Variants in SORCS3 observed in about 807,000 individuals in gnomAD.
SORCS3 encodes VPS10 domain-containing receptor SorCS3.
In SORCS3, 57 loss-of-function variants were observed where a neutral mutation model predicts 146.3. The observed-to-expected ratio is 0.39, with a 90% confidence interval of 0.31 to 0.49. The LOEUF is 0.49. Among genes scored for constraint, SORCS3 ranks in the 20% least tolerant of loss-of-function variants. The pLI is 0.92. For missense variants in SORCS3, 1,341 were observed against 1,575.5 expected (o/e 0.85, Z 2.52); for synonymous variants, 653 against 618.5 (o/e 1.06, Z -0.83).
chr10:104,942,517 C>G (rs1030266122), intron 3 of SORCS3, among the ~76,000 whole-genome samples: 1 of 152,146 alleles, frequency 6.6e-6, no homozygotes, highest in African/African-American at 2.4e-5. Context: ...CAGATTAATC[C>G]TTTTTATGAA....
rs2055689248 is a variant in SORCS3, at chr10:105,089,811, G to A, written c.1065G>A (p.Val355=). 3 of 1,614,004 alleles carry A rather than the reference G, an allele frequency of 1.9e-6. No homozygotes were observed. The highest frequency in any genetic ancestry group is 1.7e-5 in the Admixed American group (1 of 60,008). Residue 355 remains valine (V), a synonymous_variant, in exon 6 of 27, where the codon GTG becomes GTA. Transcript: ENST00000369701. ...VAGLDKEADL[V]HMEVRTTDGY... is the part of the protein sequence containing the mutation. Reference sequence around the variant, plus strand: ...GATTGGATAAGGAGGCGGACCTGGTGCACATGGAGGTGCGGACCACGGATG... The same window carrying A: ...GATTGGATAAGGAGGCGGACCTGGTACACATGGAGGTGCGGACCACGGATG...
At chr10:104,776,277 A>C (rs1247698552) in intron 1 of SORCS3, among the ~76,000 whole-genome samples, 3 of 152,124 alleles carry the variant, frequency 2.0e-5, no homozygotes, top group Non-Finnish European at 4.4e-5. Flanking sequence ...TGAGCTATTT[A>C]CTAACATCTC....
At chr10:105,004,158 C>G (rs1285936596) in intron 4 of SORCS3, among the ~76,000 whole-genome samples, 4 of 152,132 alleles carry the variant, frequency 2.6e-5, no homozygotes, top group African/African-American at 9.7e-5. Context: ...AGCTGTCTGC[C>G]TGACAGCATG....
intron 3 of SORCS3, among the ~76,000 whole-genome samples, chr10:104,946,419 C>A (rs1437787953): frequency 6.6e-6 from 1 of 152,098 alleles, no homozygotes. Flanking sequence ...TTTCTCTCTG[C>A]ATGCTGTGTG....
chr10:105,219,369 G>A (rs747252390), intron 19 of SORCS3, among the ~76,000 whole-genome samples: 12 of 152,184 alleles, frequency 7.9e-5, no homozygotes, highest in Non-Finnish European at 1.5e-4. Flanking sequence ...AAACTCATTA[G>A]AGACTCAGTG....
chr10:105,139,477 G>A lies in SORCS3; in HGVS notation c.1293G>A (p.Ser431=), dbSNP rs200513328. Residue 431 remains serine, a synonymous_variant, in exon 8 of 27, where the codon TCG becomes TCA. Transcript: ENST00000369701. ...CTCAGATAAAGCTGCCTAAGTACTC[G>A]TTGCCAAAGGTACTGCATGCACCAC... ...AFAQIKLPKY[S]LPKDMHIIST... is the part of the protein sequence containing the mutation. 9.7e-5 allele frequency: 156 copies of A among 1,613,066 alleles called. 1 individual carries two copies. The highest frequency in any genetic ancestry group is 8.8e-4 in the Admixed American group (53 of 60,010).
intron 4 of SORCS3, among the ~76,000 whole-genome samples, chr10:105,008,251 T>G (rs1210383173): frequency 6.6e-6 from 1 of 152,188 alleles, no homozygotes; most frequent in Non-Finnish European, 1.5e-5. Flanking sequence ...AGACACCTTG[T>G]CTTTTCTTCT....
At chr10:105,255,600 A>G (rs2056926694) in intron 23 of SORCS3, 102 bp from the exon 24 acceptor site, 2 of 738,902 alleles carry the variant, frequency 2.7e-6, no homozygotes, top group Non-Finnish European at 4.7e-6. Context: ...TAATTGAACC[A>G]TGGTGACTTT....
chr10:105,196,510 CAGG>C (rs1333668334), intron 14 of SORCS3, among the ~76,000 whole-genome samples: 1 of 152,112 alleles, frequency 6.6e-6, no homozygotes, highest in Non-Finnish European at 1.5e-5. Context: ...TAGGCTGAGG[CAGG>C]AGAATTGCTC....
At chr10:104,782,068 G>C (rs1034049766) in intron 1 of SORCS3, among the ~76,000 whole-genome samples, 12 of 152,222 alleles carry the variant, frequency 7.9e-5, no homozygotes, top group African/African-American at 2.7e-4. Context: ...ATGTGCTTGG[G>C]CTGAACTTTT....
At chr10:105,034,533 A>C (rs2055293034) in intron 4 of SORCS3, among the ~76,000 whole-genome samples, 1 of 152,082 alleles carries the variant, frequency 6.6e-6, no homozygotes, top group Admixed American at 6.6e-5. Flanking sequence ...GACTGAAGGA[A>C]ATCACTCTAT....
intron 1 of SORCS3, among the ~76,000 whole-genome samples, chr10:104,760,907 G>A (rs774004437): frequency 2.4e-4 from 35 of 145,290 alleles, no homozygotes; most frequent in Non-Finnish European, 4.7e-4. Context: ...GACAGATTAC[G>A]TTTTTTTTTT....
chr10:104,737,029 G>A (rs1290935659), intron 1 of SORCS3, among the ~76,000 whole-genome samples: 2 of 151,880 alleles, frequency 1.3e-5, no homozygotes, highest in Non-Finnish European at 2.9e-5. Flanking sequence ...AACATGCAGT[G>A]TTTGGTTTTT....
chr10:104,698,506 C>T (rs896273107), intron 1 of SORCS3, among the ~76,000 whole-genome samples: 12 of 152,226 alleles, frequency 7.9e-5, no homozygotes, highest in African/African-American at 2.4e-4. Context: ...CTGCCACACC[C>T]GTGTTTCAAC....
In SORCS3 at chr10:105,252,799, A is replaced by T. The variant is rs2056908869; in HGVS notation, c.3130A>T (p.Ile1044Phe). Residue 1044 changes from isoleucine to phenylalanine, a missense_variant, in exon 23 of 27, where the codon ATC (isoleucine) becomes TTC (phenylalanine). Transcript: ENST00000369701. Reference protein sequence around the residue: ...VKVTSVPEDQILIAVFPGLPT... With the variant: ...VKVTSVPEDQFLIAVFPGLPT... ...GGTAACCAGTGTCCCAGAGGACCAG[A>T]TCCTCATTGCCGTGTTTCCTGGTCT... The T allele has an allele frequency of 1.2e-6, 2 of 1,614,014 alleles. No individual in the cohort carries two copies. Among genetic ancestry groups the T allele is most frequent in the Non-Finnish European group, 1.7e-6 (2 of 1,179,974 alleles).
chr10:105,258,118 T>TA (rs1435160191), intron 25 of SORCS3, among the ~76,000 whole-genome samples: 1 of 152,164 alleles, frequency 6.6e-6, no homozygotes, highest in Admixed American at 6.5e-5. Flanking sequence ...AACACCAGTT[T>TA]AATTCAGTAT....
At chr10:104,796,946 A>G (rs1462835439) in intron 1 of SORCS3, among the ~76,000 whole-genome samples, 1 of 152,218 alleles carries the variant, frequency 6.6e-6, no homozygotes, top group African/African-American at 2.4e-5. Context: ...AATGCCTCAT[A>G]TAATCAGTGA....
At chr10:105,237,528 A>G (rs770747093) in intron 20 of SORCS3, among the ~76,000 whole-genome samples, 1 of 152,188 alleles carries the variant, frequency 6.6e-6, no homozygotes. Flanking sequence ...GGTCCATTTG[A>G]AAGAGGTGCA....
intron 7 of SORCS3, among the ~76,000 whole-genome samples, 189 bp downstream of exon 7, chr10:105,105,704 C>G (rs2055816169): frequency 6.6e-6 from 1 of 152,174 alleles, no homozygotes; most frequent in Admixed American, 6.5e-5. Flanking sequence ...TGCACTGAAT[C>G]CTTCCATTGG....
Sources: gnomAD v4.1 joint callset for allele counts (sites outside exome capture counted in the v4.1 genomes callset) on GRCh38, gnomAD v4.1.1 for gene constraint, MANE v1.5 for transcripts, NCBI Gene and HGNC (gene_info 2026-07-23, HGNC 2026-07-21) for gene names.